Variants in AKR1C3 observed in about 807,000 individuals in gnomAD.
The protein encoded by AKR1C3 is 3-alpha hydroxysteroid dehydrogenase, type II.
AKR1C3 carries 48 observed loss-of-function variants against 43.6 expected under a neutral mutation model. The ratio of observed to expected loss-of-function variants is 1.10; its 90% CI spans 0.87 to 1.40. The LOEUF is 1.40. Among genes scored for constraint, AKR1C3 ranks in the 40% most tolerant of loss-of-function variants. The probability of loss-of-function intolerance (pLI) is 0.00; values close to 1 mark genes in which losing one functional copy is unlikely to be tolerated. For synonymous variants in AKR1C3, 162 were observed against 139.6 expected, an observed-to-expected ratio of 1.16 and a Z score of -1.13; for missense variants, 482 against 391.2, an observed-to-expected ratio of 1.23 and a Z score of -1.96.
intron 5 of AKR1C3, among the ~76,000 whole-genome samples, chr10:5,101,684 T>G (rs1419021242): frequency 6.6e-6 from 1 of 152,232 alleles, no homozygotes; most frequent in Admixed American, 6.5e-5. Context: ...TGCTGAAATC[T>G]ATCCAAACAT....
intron 1 of AKR1C3, among the ~76,000 whole-genome samples, chr10:5,076,694 A>T (rs573682396): frequency 7.4e-4 from 112 of 152,264 alleles, no homozygotes; most frequent in African/African-American, 2.6e-3. Context: ...TTTTGGAAGC[A>T]TCTCTTTTCA....
intron 1 of AKR1C3, among the ~76,000 whole-genome samples, chr10:5,061,981 C>T (rs1322920118): frequency 6.6e-6 from 1 of 152,136 alleles, no homozygotes; most frequent in East Asian, 1.9e-4. Flanking sequence ...ACAGTGTTTG[C>T]AAAATTGCAC....
Position 5,077,100 on chromosome 10 carries a change from T to TC in AKR1C3, c.85-19309dup, listed in dbSNP as rs1491095949. Among the ~76,000 whole-genome samples, 5 of 152,258 alleles carry TC rather than the reference T, an allele frequency of 3.3e-5. No homozygotes were observed. The East Asian group carries it at 5.8e-4, about 18-fold the overall frequency. On this transcript the variant is annotated intron_variant, in intron 1 of 8. Coordinates refer to the AKR1C3 transcript ENST00000439082. ...GGTTAAACAGGATAATCTTTTTTTT[T>TC]CACTAAAGAACATTCGTGGTGGTTT... is the stretch of plus-strand genomic sequence containing the variant.
intron 1 of AKR1C3, among the ~76,000 whole-genome samples, chr10:5,065,204 C>T (rs573063547): frequency 6.6e-6 from 1 of 151,230 alleles, no homozygotes; most frequent in South Asian, 2.1e-4. Context: ...GGTGATTTCT[C>T]AAAGAACTTA....
At chr10:5,060,823 C>T (rs1838368598) in intron 1 of AKR1C3, among the ~76,000 whole-genome samples, 1 of 152,188 alleles carries the variant, frequency 6.6e-6, no homozygotes, top group African/African-American at 2.4e-5. Flanking sequence ...GATCCTGAGC[C>T]CTGCCCTGTG....
At position 5,098,886 on chromosome 10, in the gene AKR1C3, G is replaced by A. The variant is rs1839279815; in HGVS notation, c.447+7G>A. ...TCTCTGTACCACCTGGGAGGTGAGT[G>A]CTTGGCGGAGAGGACACAGAGAAGG... is the stretch of plus-strand genomic sequence containing the variant. On this transcript the variant is annotated splice_region_variant and intron_variant, in intron 4 of 8. Coordinates refer to ENST00000380554, the MANE Select transcript of AKR1C3 (RefSeq NM_003739.6). 3 of 1,605,590 alleles carry A rather than the reference G, an allele frequency of 1.9e-6. No homozygotes were observed. The highest frequency in any genetic ancestry group is 2.6e-6 in the Non-Finnish European group (3 of 1,175,516).
At chr10:5,077,673 A>T in intron 1 of AKR1C3, 1 of 1,099,702 alleles carries the variant, frequency 9.1e-7, no homozygotes, top group Non-Finnish European at 1.1e-6. Flanking sequence ...AAATGGCAGG[A>T]TGGTTTGCTT....
rs1034555123 is a variant in AKR1C3 at position 5,102,226 on chromosome 10, G to A, written c.680+16G>A. 6 of 1,603,434 alleles carry A rather than the reference G, an allele frequency of 3.7e-6. No individual in the cohort carries two copies. The Middle Eastern group carries it at 5.0e-4, about 133-fold the overall frequency. On this transcript the variant is annotated intron_variant, in intron 6 of 8. Transcript: ENST00000380554. ...ACAAACGATGGTAATAAAAACAATG[G>A]GACCTTTACATAAACCTTCATTTTG...
At chr10:5,085,067 A>T in intron 1 of AKR1C3, among the ~76,000 whole-genome samples, 1 of 152,010 alleles carries the variant, frequency 6.6e-6, no homozygotes. Context: ...AATACCCTTT[A>T]TTTCCTTCTC....
At chr10:5,060,098 C>T (rs975276048) in intron 1 of AKR1C3, among the ~76,000 whole-genome samples, 2 of 152,076 alleles carry the variant, frequency 1.3e-5, no homozygotes, top group Non-Finnish European at 2.9e-5. Context: ...CTGGTGGGTT[C>T]GTGGTCTTGC....
intron 1 of AKR1C3, chr10:5,077,713 T>C: frequency 1.7e-6 from 2 of 1,167,426 alleles, no homozygotes; most frequent in East Asian, 4.0e-5. Context: ...CATTTAATCC[T>C]TTTCCCTTTA....
At chr10:5,104,660 C>T (rs1206268165) in intron 7 of AKR1C3, among the ~76,000 whole-genome samples, 2 of 152,110 alleles carry the variant, frequency 1.3e-5, no homozygotes, top group Non-Finnish European at 2.9e-5. Flanking sequence ...AACTGCAGTT[C>T]ACTGTGAAGA....
intron 1 of AKR1C3, among the ~76,000 whole-genome samples, chr10:5,063,955 T>C (rs1564356121): frequency 2.0e-5 from 3 of 151,976 alleles, no homozygotes; most frequent in African/African-American, 4.8e-5. Context: ...CCAACTACGT[T>C]TATGTCATAT....
At chr10:5,057,466 G>C (rs1289465787) in intron 1 of AKR1C3, among the ~76,000 whole-genome samples, 3 of 151,534 alleles carry the variant, frequency 2.0e-5, no homozygotes. Context: ...TGATATCTGT[G>C]GCTGATTGGG....
intron 1 of AKR1C3, among the ~76,000 whole-genome samples, chr10:5,072,168 T>C (rs1459495456): frequency 1.3e-5 from 2 of 152,212 alleles, no homozygotes; most frequent in Non-Finnish European, 2.9e-5. Context: ...ATTTAAGTAT[T>C]AGGGATTTAC....
chr10:5,106,991 A>G (rs1375252048), intron 8 of AKR1C3, among the ~76,000 whole-genome samples: 12 of 152,198 alleles, frequency 7.9e-5, no homozygotes, highest in Admixed American at 2.0e-4. Flanking sequence ...TAAAAATGTA[A>G]TAAGTTGGTG....
chr10:5,107,001 G>A (rs996751625), intron 8 of AKR1C3, among the ~76,000 whole-genome samples: 2 of 152,088 alleles, frequency 1.3e-5, no homozygotes, highest in African/African-American at 2.4e-5. Flanking sequence ...ATAAGTTGGT[G>A]TTTATCTGTT....
chr10:5,064,462 A>T (rs1477327429), intron 1 of AKR1C3, among the ~76,000 whole-genome samples: 1 of 152,230 alleles, frequency 6.6e-6, no homozygotes, highest in Non-Finnish European at 1.5e-5. Flanking sequence ...CCATTCTGAA[A>T]TAGGCCCTGG....
At chr10:5,092,018 T>C (rs529183679), upstream of AKR1C3, among the ~76,000 whole-genome samples, 55 of 152,126 alleles carry the variant, frequency 3.6e-4, 1 homozygote, top group South Asian at 0.011. Flanking sequence ...TTATCTCACA[T>C]TGTATTAATA....
Sources: allele counts gnomAD v4.1 joint callset (sites outside exome capture counted in the v4.1 genomes callset), GRCh38; gene constraint gnomAD v4.1.1; transcripts MANE v1.5; gene names NCBI Gene and HGNC (gene_info 2026-07-23, HGNC 2026-07-21).